The following CECR2 variants were observed in gnomAD, a reference collection of about 807,000 sequenced individuals.
CECR2 encodes the protein CECR2 histone acetyl-lysine reader.
In CECR2, 30 loss-of-function variants were observed where a neutral mutation model predicts 154.5. That is an observed-to-expected ratio of 0.19 (90% CI 0.15 to 0.26). The LOEUF (loss-of-function observed/expected upper bound fraction) is 0.26, where lower values mean the gene tolerates loss of function less well. Ranked by LOEUF, CECR2 falls within the 10% of genes least tolerant of loss-of-function variation. CECR2 has a pLI of 1.00. For missense variants in CECR2, 1,743 were observed against 1,829.3 expected (o/e 0.95, Z 0.86); for synonymous variants, 725 against 683.7 (o/e 1.06, Z -0.94).
At chr22:17,400,640 AG>A (rs1192883127) in intron 1 of CECR2, among the ~76,000 whole-genome samples, 2 of 152,210 alleles carry the variant, frequency 1.3e-5, no homozygotes, top group Admixed American at 6.5e-5. Flanking sequence ...AAGTCTGAGA[AG>A]GGCAGAGAAG....
chr22:17,474,049 A>AGT (rs1386951829), intron 1 of CECR2, among the ~76,000 whole-genome samples: 2 of 151,972 alleles, frequency 1.3e-5, no homozygotes, highest in Non-Finnish European at 2.9e-5. Flanking sequence ...ATTTGGTACT[A>AGT]ACTGGGGGGG....
chr22:17,514,108 C>T (rs1304169833), intron 8 of CECR2, among the ~76,000 whole-genome samples: 1 of 152,192 alleles, frequency 6.6e-6, no homozygotes, highest in Non-Finnish European at 1.5e-5. Flanking sequence ...GGTCACTCAG[C>T]AGTCCAAACT....
In CECR2 at chr22:17,477,661, G is replaced by T; in HGVS notation, c.200G>T (p.Cys67Phe). ...CTGATTGCCTGCCTGCTTCAGGGCTGCTATCAACGAAGAGATATCACGTGA... is the reference window on the plus strand; with the variant it reads ...CTGATTGCCTGCCTGCTTCAGGGCTTCTATCAACGAAGAGATATCACGTGA... ...SDLIACLLQG[C>F]YQRRDITPQT... Residue 67 changes from cysteine to phenylalanine, a missense_variant, in exon 2 of 19, where the codon TGC becomes TTC. By Grantham distance (205) the Cys-to-Phe change is radical. Around this residue, in one of 4 missense-constraint regions of CECR2, gnomAD observed 98 missense variants for 169.3 expected, o/e 0.58. Coordinates refer to ENST00000262608, the MANE Select transcript of CECR2 (RefSeq NM_001290047.2). 1 of 1,611,498 alleles carries T rather than the reference G, an allele frequency of 6.2e-7. No homozygotes were observed. Among genetic ancestry groups the T allele is most frequent in the Non-Finnish European group, 8.5e-7 (1 of 1,177,696 alleles).
intron 1 of CECR2, among the ~76,000 whole-genome samples, chr22:17,384,689 G>A (rs1343025800): frequency 6.6e-6 from 1 of 152,164 alleles, no homozygotes; most frequent in East Asian, 1.9e-4. Flanking sequence ...GAATACATTA[G>A]CACAGTTTTC....
At position 17,543,105 on chromosome 22, in the gene CECR2, T is replaced by C. The variant is rs547576589; in HGVS notation, c.2860+102T>C. On this transcript the variant is annotated intron_variant, in intron 16 of 18. Coordinates refer to ENST00000262608, the MANE Select transcript of CECR2 (RefSeq NM_001290047.2). Reference sequence around the variant, plus strand: ...GTGTAATCTGGTTCCCAGCCTCTCTTTCTTTGTTTATTTTTTGGTTTTGTT... The same window carrying C: ...GTGTAATCTGGTTCCCAGCCTCTCTCTCTTTGTTTATTTTTTGGTTTTGTT... 2.1e-5 allele frequency: 28 copies of C among 1,313,136 alleles called. No homozygotes were observed. The East Asian group carries it at 5.5e-4, about 26-fold the overall frequency. The allele number at this position is 1,313,136 out of a possible 1,614,324, so 81.3% of individuals were successfully genotyped here. A position where few individuals can be genotyped will look rare whatever the true frequency, so the allele number is the denominator to read the frequency against.
intron 1 of CECR2, among the ~76,000 whole-genome samples, chr22:17,424,016 G>T (rs1006381779): frequency 3.6e-4 from 55 of 151,980 alleles, no homozygotes; most frequent in Non-Finnish European, 8.8e-5. Context: ...TTGTCACTCT[G>T]CATCTTCTAT....
chr22:17,462,892 A>G (rs1444187368), intron 1 of CECR2, among the ~76,000 whole-genome samples: 1 of 152,324 alleles, frequency 6.6e-6, no homozygotes, highest in East Asian at 1.9e-4. Context: ...AGCCTGGGCA[A>G]CAGATCGAGA....
intron 7 of CECR2, among the ~76,000 whole-genome samples, chr22:17,507,747 C>T (rs925754740): frequency 2.0e-5 from 3 of 152,094 alleles, no homozygotes; most frequent in Admixed American, 2.0e-4. Flanking sequence ...CATGGAGTTG[C>T]AGACCAGAAA....
At chr22:17,422,359 A>G (rs144434093) in intron 1 of CECR2, among the ~76,000 whole-genome samples, 4,864 of 152,054 alleles carry the variant, frequency 0.032, 278 homozygotes, top group African/African-American at 0.11. Flanking sequence ...CACCAGGCCC[A>G]GCTAATTTTT....
At chr22:17,421,376 G>T (rs1433387824) in intron 1 of CECR2, among the ~76,000 whole-genome samples, 1 of 152,062 alleles carries the variant, frequency 6.6e-6, no homozygotes, top group Non-Finnish European at 1.5e-5. Flanking sequence ...AGCACTTTGG[G>T]AGGCCGAGGC....
chr22:17,432,037 A>G (rs1416738627), intron 1 of CECR2, among the ~76,000 whole-genome samples: 2 of 148,548 alleles, frequency 1.3e-5, no homozygotes, highest in Non-Finnish European at 3.0e-5. Context: ...ACACAGCCCC[A>G]CTTTGTGCCT....
Position 17,542,870 on chromosome 22 carries a change from C to T in CECR2, c.2727C>T (p.His909=), listed in dbSNP as rs749059089. 1 of 1,613,920 alleles carries T rather than the reference C, an allele frequency of 6.2e-7. No homozygotes were observed. Among genetic ancestry groups the T allele is most frequent in the African/African-American group, 1.3e-5 (1 of 75,042 alleles). ...CTTACCACCCCCACCAGCCTGCACACCCCCGTTTACCTGGCCCTTTTCCGC... is the reference window on the plus strand; with the variant it reads ...CTTACCACCCCCACCAGCCTGCACATCCCCGTTTACCTGGCCCTTTTCCGC... ...GVPYHPHQPA[H]PRLPGPFPQV... Residue 909 remains histidine, a synonymous_variant, in exon 16 of 19, where the codon CAC becomes CAT. Coordinates refer to ENST00000262608, the MANE Select transcript of CECR2 (RefSeq NM_001290047.2).
intron 2 of CECR2, among the ~76,000 whole-genome samples, chr22:17,488,176 C>T (rs1024876744): frequency 6.6e-6 from 1 of 152,206 alleles, no homozygotes; most frequent in East Asian, 1.9e-4. Context: ...AGCCACCGCA[C>T]CCGGCCTCAT....
intron 2 of CECR2, among the ~76,000 whole-genome samples, chr22:17,496,907 T>C (rs2055639572): frequency 6.6e-6 from 1 of 152,210 alleles, no homozygotes; most frequent in Admixed American, 6.5e-5. Flanking sequence ...TTATCTTCCT[T>C]GATAGTTGAC....
In CECR2 at chr22:17,497,606, C is replaced by G; in HGVS notation, c.405+20C>G. On this transcript the variant is annotated intron_variant, in intron 3 of 18. Coordinates refer to ENST00000262608, the MANE Select transcript of CECR2 (RefSeq NM_001290047.2). ...CTAAAGGTATGCTTAACTGGCGAAC[C>G]TTTCCCTGTAGCTGTGAAAAGCCAG... 2 of 1,609,786 alleles carry G rather than the reference C, an allele frequency of 1.2e-6. No individual in the cohort carries two copies. Among genetic ancestry groups the G allele is most frequent in the Non-Finnish European group, 1.7e-6 (2 of 1,176,312 alleles).
At chr22:17,521,536 AAAG>A (rs1456802734) in intron 8 of CECR2, among the ~76,000 whole-genome samples, 13 of 152,008 alleles carry the variant, frequency 8.6e-5, no homozygotes, top group African/African-American at 2.7e-4. Flanking sequence ...AAAAAAAAAA[AAAG>A]AGAGAGAGAG....
At chr22:17,452,028 G>A (rs918936660) in intron 1 of CECR2, among the ~76,000 whole-genome samples, 1 of 152,174 alleles carries the variant, frequency 6.6e-6, no homozygotes, top group African/African-American at 2.4e-5. Flanking sequence ...TGGGACGTCA[G>A]ATCGCTTAGG....
chr22:17,416,865 G>C (rs1261208161), intron 1 of CECR2, among the ~76,000 whole-genome samples: 1 of 152,100 alleles, frequency 6.6e-6, no homozygotes, highest in African/African-American at 2.4e-5. Flanking sequence ...TGTGTCAGTA[G>C]CTTTACTTTT....
At chr22:17,360,452 C>A (rs909616415) in intron 1 of CECR2, among the ~76,000 whole-genome samples, 1 of 152,100 alleles carries the variant, frequency 6.6e-6, no homozygotes, top group African/African-American at 2.4e-5. Context: ...GAGGCCGAGG[C>A]CGGCAGATCA....
Sources: gnomAD v4.1 joint callset for allele counts (sites outside exome capture counted in the v4.1 genomes callset) on GRCh38, gnomAD v4.1.1 for gene constraint, gnomAD v4.1.1 regional missense constraint, MANE v1.5 for transcripts, NCBI Gene and HGNC (gene_info 2026-07-23, HGNC 2026-07-21) for gene names.